Variants in CRTC1 observed in about 807,000 individuals in gnomAD.
CRTC1 encodes CREB-regulated transcription coactivator 1.
CRTC1 carries 18 observed loss-of-function variants against 66.1 expected under a neutral mutation model. That is an observed-to-expected ratio of 0.27 (90% CI 0.19 to 0.40). CRTC1 has a LOEUF of 0.40. Ranked by LOEUF, CRTC1 falls within the 10% of genes least tolerant of loss-of-function variation. The pLI is 1.00. For missense variants in CRTC1, 669 were observed against 887.9 expected (o/e 0.75, Z 3.13); for synonymous variants, 416 against 398.8 (o/e 1.04, Z -0.51).
At chr19:18,718,655 C>T (rs1320300379) in intron 1 of CRTC1, among the ~76,000 whole-genome samples, 10 of 152,120 alleles carry the variant, frequency 6.6e-5, no homozygotes, top group Non-Finnish European at 1.5e-4. Flanking sequence ...CATTCCTTTT[C>T]ATGGCTGAAT....
intron 1 of CRTC1, among the ~76,000 whole-genome samples, chr19:18,729,623 C>T (rs1382521777): frequency 6.6e-6 from 1 of 151,950 alleles, no homozygotes; most frequent in Non-Finnish European, 1.5e-5. Context: ...CCGCTGTAGT[C>T]CCAGCTACTG....
At chr19:18,735,405 C>G (rs10417175) in intron 1 of CRTC1, among the ~76,000 whole-genome samples, 150,588 of 152,288 alleles carry the variant, frequency 0.99, 74,458 homozygotes, top group Middle Eastern at 1. Flanking sequence ...GACAAGGGGA[C>G]CCCCCGGGGA....
intron 11 of CRTC1, among the ~76,000 whole-genome samples, chr19:18,772,420 A>C (rs1244816024): frequency 6.6e-6 from 1 of 152,134 alleles, no homozygotes. Context: ...CTATCCTGGG[A>C]CCATCTCATC....
intron 6 of CRTC1, among the ~76,000 whole-genome samples, chr19:18,754,441 A>C (rs2054440597): frequency 6.6e-6 from 1 of 152,188 alleles, no homozygotes; most frequent in Non-Finnish European, 1.5e-5. Context: ...TGAGCCCAGG[A>C]GGTCAAGACT....
intron 1 of CRTC1, 48 bp downstream of exon 1, chr19:18,683,876 A>G (rs542525846): frequency 2.3e-6 from 2 of 859,258 alleles, no homozygotes; most frequent in African/African-American, 2.7e-5. Flanking sequence ...GGAGGGAGGG[A>G]GGGGGCGCGT....
chr19:18,777,456 C>G lies in CRTC1; in HGVS notation c.*74C>G. 7 of 1,351,130 alleles carry G rather than the reference C, an allele frequency of 5.2e-6. No homozygotes were observed. The highest frequency in any genetic ancestry group is 7.3e-6 in the Non-Finnish European group (7 of 956,614). The allele number at this position is 1,351,130 out of a possible 1,614,324, so 83.7% of individuals were successfully genotyped here. A position where few individuals can be genotyped will look rare whatever the true frequency, so the allele number is the denominator to read the frequency against. ...CAGCCCGGGGACGGCCGTGCTCCGT[C>G]CCTCGCCAACGGCCGAGCTTGTGAT... is the stretch of plus-strand genomic sequence containing the variant. On this transcript the variant is annotated 3_prime_UTR_variant, in exon 14 of 14. Transcript: ENST00000321949. This position sits in a 1 kb window ranked among gnomAD's most constrained non-coding sequence, Gnocchi z 5.5.
intron 1 of CRTC1, among the ~76,000 whole-genome samples, chr19:18,694,517 T>C (rs2052937201): frequency 6.6e-6 from 1 of 152,122 alleles, no homozygotes; most frequent in South Asian, 2.1e-4. Flanking sequence ...ACTGTGGCTT[T>C]GACCTCCTGG....
chr19:18,766,269 T>TG (rs145545239), intron 9 of CRTC1, among the ~76,000 whole-genome samples: 28,806 of 148,696 alleles, frequency 0.19, 3,207 homozygotes, highest in African/African-American at 0.3. Flanking sequence ...TACAGGCATG[T>TG]GCTACCATGC....
At chr19:18,750,522 C>T (rs528686476) in intron 5 of CRTC1, among the ~76,000 whole-genome samples, 3 of 152,318 alleles carry the variant, frequency 2.0e-5, no homozygotes, top group South Asian at 4.1e-4. Flanking sequence ...CATATGCTGT[C>T]TTAAAAACTG....
intron 1 of CRTC1, among the ~76,000 whole-genome samples, chr19:18,701,430 C>T (rs1360216097): frequency 1.3e-5 from 2 of 152,228 alleles, no homozygotes; most frequent in Non-Finnish European, 2.9e-5. Flanking sequence ...CCTGCTTGGC[C>T]GAGGCCAGCT....
At chr19:18,687,489 A>G (rs1329462915) in intron 1 of CRTC1, among the ~76,000 whole-genome samples, 1 of 152,124 alleles carries the variant, frequency 6.6e-6, no homozygotes, top group Non-Finnish European at 1.5e-5. Context: ...TTGACTGGCC[A>G]CTGCACAGTC....
chr19:18,772,238 C>T (rs1287638415), intron 11 of CRTC1, among the ~76,000 whole-genome samples: 6 of 152,188 alleles, frequency 3.9e-5, no homozygotes, highest in Non-Finnish European at 7.3e-5. Context: ...CCAGTGGAAG[C>T]GGCCAGCCTG....
intron 1 of CRTC1, among the ~76,000 whole-genome samples, chr19:18,706,950 A>G (rs2053281285): frequency 6.6e-6 from 1 of 152,162 alleles, no homozygotes; most frequent in African/African-American, 2.4e-5. Flanking sequence ...TATCATCTAT[A>G]TGATTCGCAA....
At chr19:18,753,611 CTT>C (rs2054420001) in intron 6 of CRTC1, 26 bp downstream of exon 6, 2 of 1,555,980 alleles carry the variant, frequency 1.3e-6, no homozygotes, top group Non-Finnish European at 1.8e-6. Flanking sequence ...CTTTCAAAAA[CTT>C]TTTTTCTTCT....
At position 18,777,597 on chromosome 19, in the gene CRTC1, G is replaced by C; in HGVS notation, c.*215G>C. 3.7e-6 allele frequency: 2 copies of C among 543,170 alleles called. No homozygotes were observed. The highest frequency in any genetic ancestry group is 6.4e-6 in the Non-Finnish European group (2 of 310,154). 33.6% of individuals were successfully genotyped at this position (543,170 alleles called of 1,614,324 possible). A position where few individuals can be genotyped will look rare whatever the true frequency, so the allele number is the denominator to read the frequency against. On this transcript the variant is annotated 3_prime_UTR_variant, in exon 14 of 14. Transcript: ENST00000321949. This position sits in a 1 kb window ranked among gnomAD's most constrained non-coding sequence, Gnocchi z 5.5. ...GCCGTCCACCCACCCGCCCGCCCAGGGCTGGGCTGGGATCGGAGGCCGTGA... is the reference window on the plus strand; with the variant it reads ...GCCGTCCACCCACCCGCCCGCCCAGCGCTGGGCTGGGATCGGAGGCCGTGA...
chr19:18,722,629 T>A (rs2053654911), intron 1 of CRTC1, among the ~76,000 whole-genome samples: 1 of 152,206 alleles, frequency 6.6e-6, no homozygotes, highest in South Asian at 2.1e-4. Context: ...GACATGATGT[T>A]CACATAACAT....
chr19:18,755,550 C>T (rs1198566375), intron 6 of CRTC1, among the ~76,000 whole-genome samples: 1 of 151,508 alleles, frequency 6.6e-6, no homozygotes, highest in Non-Finnish European at 1.5e-5. Flanking sequence ...CTGCCTCAGC[C>T]TCCTGTGATG....
chr19:18,693,401 T>A (rs1010400089), intron 1 of CRTC1, among the ~76,000 whole-genome samples: 3 of 140,244 alleles, frequency 2.1e-5, no homozygotes, highest in African/African-American at 8.2e-5. Flanking sequence ...AAAAAAAAAA[T>A]TCATTTTTCA....
At position 18,702,533 on chromosome 19, in the gene CRTC1, C is replaced by CTT. The variant is rs34068358; in HGVS notation, c.126+18721_126+18722dup. Among the ~76,000 whole-genome samples the CTT allele has an allele frequency of 3.2e-3, 409 of 128,160 alleles. 7 individuals carry two copies. The South Asian group carries it at 0.037, about 12-fold the overall frequency. The allele number at this position is 128,160 out of a possible 152,430, so 84.1% of individuals were successfully genotyped here. On this transcript the variant is annotated intron_variant, in intron 1 of 13. Transcript: ENST00000321949. ...CATACCTGGCTTCTTAGGGGATAGT[C>CTT]TTTTTTTTTTTTTTTTTGAGATGGA...
Sources: gnomAD v4.1 joint callset for allele counts (sites outside exome capture counted in the v4.1 genomes callset) on GRCh38, gnomAD v4.1.1 for gene constraint, Gnocchi (gnomAD v3.1) non-coding constraint, MANE v1.5 for transcripts, NCBI Gene and HGNC (gene_info 2026-07-23, HGNC 2026-07-21) for gene names.